The following NSMAF variants were observed in gnomAD, a reference collection of about 807,000 sequenced individuals.
NSMAF encodes the protein protein FAN.
NSMAF carries 90 observed loss-of-function variants against 134.9 expected under a neutral mutation model. The ratio of observed to expected loss-of-function variants is 0.67; its 90% CI spans 0.56 to 0.79. The LOEUF (loss-of-function observed/expected upper bound fraction) is 0.79, where lower values mean the gene tolerates loss of function less well. Ranked by LOEUF, NSMAF falls within the 30% of genes least tolerant of loss-of-function variation. The probability of loss-of-function intolerance (pLI) is 0.00; values close to 1 mark genes in which losing one functional copy is unlikely to be tolerated. For missense variants in NSMAF, 1,010 were observed against 1,119.0 expected (o/e 0.90, Z 1.39); for synonymous variants, 358 against 389.6 (o/e 0.92, Z 0.96).
intron 5 of NSMAF, among the ~76,000 whole-genome samples, chr8:58,634,046 G>A (rs1807117508): frequency 6.6e-6 from 1 of 152,090 alleles, no homozygotes; most frequent in Non-Finnish European, 1.5e-5. Context: ...TCAAGATATG[G>A]GCTTTGTGGA....
At chr8:58,621,600 C>T (rs1284773634) in intron 9 of NSMAF, among the ~76,000 whole-genome samples, 6 of 152,192 alleles carry the variant, frequency 3.9e-5, no homozygotes, top group Non-Finnish European at 7.3e-5. Flanking sequence ...TCCCTTTTCT[C>T]TGCAACCTCA....
intron 6 of NSMAF, among the ~76,000 whole-genome samples, chr8:58,627,393 C>T (rs978549858): frequency 6.6e-5 from 10 of 151,940 alleles, no homozygotes; most frequent in Admixed American, 5.9e-4. Flanking sequence ...AAAGGGCATC[C>T]AAATTGGAAA....
chr8:58,643,204 A>G (rs1475118877), intron 1 of NSMAF, 131 bp from the exon 2 acceptor site: 1 of 699,262 alleles, frequency 1.4e-6, no homozygotes, highest in South Asian at 1.7e-5. Flanking sequence ...AAGCATGTAT[A>G]TCATGCCAGG....
intron 11 of NSMAF, 149 bp from the exon 12 acceptor site, chr8:58,606,184 T>C: frequency 4.6e-6 from 3 of 648,760 alleles, no homozygotes; most frequent in Non-Finnish European, 4.9e-6. Context: ...TAAATTTAAC[T>C]CAGTGATATA....
In NSMAF at chr8:58,590,022, G is replaced by A. The variant is rs151047902; in HGVS notation, c.2072C>T (p.Ser691Leu). 21 of 1,613,624 alleles carry A rather than the reference G, an allele frequency of 1.3e-5. No homozygotes were observed. The highest frequency in any genetic ancestry group is 1.4e-5 in the Non-Finnish European group (17 of 1,179,650). The change falls in exon 25 of 31, where the codon TCA becomes TTA. Residue 691 changes from serine (S) to leucine (L), a missense_variant. Physicochemically the swap from Ser to Leu is moderately radical, Grantham distance 145 (BLOSUM62 -2). Transcript: ENST00000038176. The stretch of plus-strand genomic sequence containing the variant: ...AGATACATACACATTATTATCCCAT[G>A]AAGAAGTTATGACAGTGGCATCTCC... The part of the protein sequence containing the change: ...LPGDATVITS[S>L]WDNNVYFYSI...
intron 1 of NSMAF, chr8:58,659,253 C>A: frequency 1.3e-6 from 2 of 1,507,770 alleles, no homozygotes; most frequent in East Asian, 5.5e-5. Context: ...CCCGCGCGGC[C>A]TTCCGGGTGA....
At chr8:58,635,708 C>T (rs779708773) in intron 2 of NSMAF, among the ~76,000 whole-genome samples, 162 bp from the exon 3 acceptor site, 1 of 152,140 alleles carries the variant, frequency 6.6e-6, no homozygotes, top group African/African-American at 2.4e-5. Flanking sequence ...ACTGGTAAAA[C>T]AAAACACAGA....
intron 27 of NSMAF, 54 bp downstream of exon 27, chr8:58,587,564 G>T (rs527592722): frequency 4.0e-6 from 6 of 1,486,334 alleles, no homozygotes; most frequent in Non-Finnish European, 5.6e-6. Flanking sequence ...TCTTCCAGCC[G>T]AACCCCTAGA....
intron 13 of NSMAF, 94 bp from the exon 14 acceptor site, chr8:58,602,231 T>C (rs1046721191): frequency 4.0e-6 from 4 of 994,718 alleles, no homozygotes; most frequent in African/African-American, 1.7e-5. Flanking sequence ...TCCACAAAAG[T>C]TTTTTTAAAA....
intron 10 of NSMAF, among the ~76,000 whole-genome samples, chr8:58,609,034 G>A (rs954982955): frequency 2.0e-5 from 3 of 152,166 alleles, no homozygotes; most frequent in African/African-American, 7.2e-5. Flanking sequence ...GTAAGTCTGT[G>A]TCATTGTGAA....
At chr8:58,637,475 A>G in intron 2 of NSMAF, 1 of 441,996 alleles carries the variant, frequency 2.3e-6, no homozygotes, top group South Asian at 1.6e-5. Context: ...ACTATTCAAC[A>G]TAGTACTGGA....
intron 2 of NSMAF, chr8:58,637,225 C>G: frequency 2.4e-6 from 1 of 423,970 alleles, no homozygotes; most frequent in South Asian, 1.7e-5. Flanking sequence ...TCTTTGATAC[C>G]TTCCTTACTT....
intron 28 of NSMAF, 129 bp from the exon 29 acceptor site, chr8:58,586,129 G>A: frequency 1.3e-6 from 1 of 760,222 alleles, no homozygotes; most frequent in Non-Finnish European, 2.3e-6. Context: ...TTGTACTTAA[G>A]CAATGACTAT....
Position 58,638,703 on chromosome 8 carries a change from G to A in NSMAF, c.150-3157C>T, listed in dbSNP as rs1024802608. Reference sequence around the variant, plus strand: ...AAGAAAAAATACAGAAAAGCTTCTCGGCATTGGTCTGGGCAGTATTTTGGA... The same window carrying A: ...AAGAAAAAATACAGAAAAGCTTCTCAGCATTGGTCTGGGCAGTATTTTGGA... On this transcript the variant is annotated intron_variant, in intron 2 of 30. Transcript: ENST00000038176. Among the ~76,000 whole-genome samples the A allele has an allele frequency of 3.9e-5, 6 of 152,108 alleles. 1 individual carries two copies. The highest frequency in any genetic ancestry group is 8.8e-5 in the Non-Finnish European group (6 of 68,026).
chr8:58,641,577 A>G (rs887429778), intron 2 of NSMAF, among the ~76,000 whole-genome samples: 2 of 152,248 alleles, frequency 1.3e-5, no homozygotes, highest in African/African-American at 4.8e-5. Flanking sequence ...ATAGCATTAC[A>G]AAGAACTTCA....
Position 58,659,196 on chromosome 8 carries a change from C to A in NSMAF, c.59+377G>T, listed in dbSNP as rs758198576. 1.3e-5 allele frequency: 19 copies of A among 1,446,278 alleles called. No individual in the cohort carries two copies. The South Asian group carries it at 2.6e-4, about 20-fold the overall frequency. 89.6% of individuals were successfully genotyped at this position (1,446,278 alleles called of 1,614,324 possible). ...GTGCCCGCCGGGCAGCGTACTCACC[C>A]TCCCCTGCGAACGCCCGGGCTCGCG... On this transcript the variant is annotated intron_variant, in intron 1 of 30. Transcript: ENST00000038176.
intron 5 of NSMAF, among the ~76,000 whole-genome samples, chr8:58,633,994 T>A (rs943106321): frequency 6.6e-6 from 1 of 152,202 alleles, no homozygotes; most frequent in African/African-American, 2.4e-5. Context: ...TATAGTTTTA[T>A]AATGAAAACC....
chr8:58,653,616 A>G (rs1166958627), intron 1 of NSMAF, among the ~76,000 whole-genome samples: 5 of 152,172 alleles, frequency 3.3e-5, no homozygotes, highest in Non-Finnish European at 4.4e-5. Context: ...CAACTCACCA[A>G]GAAGATAACA....
intron 1 of NSMAF, among the ~76,000 whole-genome samples, chr8:58,657,332 G>T (rs546172169): frequency 2.6e-5 from 4 of 152,152 alleles, no homozygotes; most frequent in Non-Finnish European, 5.9e-5. Context: ...CATGAGAGCC[G>T]CCAGTGAACT....
Sources: allele counts gnomAD v4.1 joint callset (sites outside exome capture counted in the v4.1 genomes callset), GRCh38; gene constraint gnomAD v4.1.1; transcripts MANE v1.5; gene names NCBI Gene and HGNC (gene_info 2026-07-23, HGNC 2026-07-21).